HHLA1: variants seen among roughly 807,000 people sequenced by gnomAD.
HHLA1 encodes the protein HERV-H LTR-associating protein 1.
Under a neutral mutation model 69.9 loss-of-function variants are expected in HHLA1, and 72 were observed. The observed-to-expected ratio is 1.03, with a 90% confidence interval of 0.85 to 1.25. HHLA1 has a LOEUF of 1.25. HHLA1 is among the 50% of genes most tolerant of loss of function. HHLA1 has a pLI of 0.00. For synonymous variants in HHLA1, 252 were observed against 233.2 expected (o/e 1.08, Z -0.73); for missense variants, 685 against 642.2 (o/e 1.07, Z -0.72).
chr8:132,086,575 G>T (rs112754764), intron 10 of HHLA1, among the ~76,000 whole-genome samples: 23 of 152,182 alleles, frequency 1.5e-4, no homozygotes, highest in Non-Finnish European at 3.2e-4. Context: ...ATTTGTTCTT[G>T]TTGAAGGAGC....
chr8:132,083,325 C>T (rs1211645020), intron 10 of HHLA1, among the ~76,000 whole-genome samples: 1 of 151,888 alleles, frequency 6.6e-6, no homozygotes, highest in Non-Finnish European at 1.5e-5. Context: ...CCGTCAATAC[C>T]CACAACAGTT....
intron 8 of HHLA1, 116 bp from the exon 9 acceptor site, chr8:132,088,017 GC>G: frequency 2.6e-6 from 2 of 776,678 alleles, no homozygotes; most frequent in South Asian, 3.2e-5. Flanking sequence ...AGGAAAATAA[GC>G]CTGACTCTTT....
chr8:132,076,431 C>A, intron 13 of HHLA1, 44 bp downstream of exon 13: 3 of 824,560 alleles, frequency 3.6e-6, no homozygotes, highest in African/African-American at 1.8e-5. Context: ...CCACCCCTCC[C>A]ATCCCCCACC....
In HHLA1 at chr8:132,071,413, G is replaced by T; in HGVS notation, c.1396C>A (p.Leu466Met). The T allele has an allele frequency of 6.4e-7, 1 of 1,551,682 alleles. No individual in the cohort carries two copies. The highest frequency in any genetic ancestry group is 8.7e-7 in the Non-Finnish European group (1 of 1,146,938). The change falls in exon 15 of 17, where the codon CTG becomes ATG. Residue 466 changes from leucine (L) to methionine (M), a missense_variant. Physicochemically the swap from Leu to Met is conservative, Grantham distance 15. Transcript: ENST00000414222. ...TGGAAGAATTGGCACAGCTCCATCA[G>T]GCATGGGTTGAGCCTCTGAATAGCC... ...TLAIQRLNPCLMELCQFFQQC... is the reference protein window; with the variant it reads ...TLAIQRLNPCMMELCQFFQQC...
intron 15 of HHLA1, among the ~76,000 whole-genome samples, chr8:132,067,380 C>G (rs1477700727): frequency 6.6e-6 from 1 of 152,138 alleles, no homozygotes; most frequent in Non-Finnish European, 1.5e-5. Flanking sequence ...ATTAAAGAGT[C>G]TACTAGAGAA....
chr8:132,080,758 G>C (rs906728454), intron 10 of HHLA1: 1 of 152,352 alleles, frequency 6.6e-6, no homozygotes, highest in Admixed American at 6.5e-5. Context: ...AAATTTTTGG[G>C]GGGTGGTATG....
At chr8:132,071,840 G>T (rs1823550767) in intron 14 of HHLA1, among the ~76,000 whole-genome samples, 1 of 152,096 alleles carries the variant, frequency 6.6e-6, no homozygotes, top group Admixed American at 6.6e-5. Context: ...GATGTAAGGG[G>T]GTGACTTGCT....
intron 3 of HHLA1, among the ~76,000 whole-genome samples, chr8:132,102,318 C>A (rs1298003330): frequency 1.3e-5 from 2 of 152,238 alleles, no homozygotes; most frequent in Non-Finnish European, 2.9e-5. Flanking sequence ...CTGTTGCCTG[C>A]TTAAGCCAAT....
chr8:132,083,506 C>T (rs888801730), intron 10 of HHLA1, among the ~76,000 whole-genome samples: 4 of 152,254 alleles, frequency 2.6e-5, no homozygotes, highest in South Asian at 2.1e-4. Context: ...AGTCTTCAGC[C>T]GCTAAGCCAA....
Position 132,076,503 on chromosome 8 carries a change from C to A in HHLA1, c.1212G>T (p.Lys404Asn). Residue 404 changes from lysine to asparagine, a missense_variant, in exon 13 of 17, where the codon AAG becomes AAT. Coordinates refer to ENST00000414222, the MANE Select transcript of HHLA1 (RefSeq NM_001145095.3). Reference sequence around the variant, plus strand: ...TTTGTGGATATCTGGGGGCTGTTGCCTTGGTTGGACTCGGAGTCTGTGTGC... The same window carrying A: ...TTTGTGGATATCTGGGGGCTGTTGCATTGGTTGGACTCGGAGTCTGTGTGC... ...THGTQTPSPTKATAPRYPQTG... is the reference protein window; with the variant it reads ...THGTQTPSPTNATAPRYPQTG... 1 of 1,441,672 alleles carries A rather than the reference C, an allele frequency of 6.9e-7. No homozygotes were observed. The allele number at this position is 1,441,672 out of a possible 1,614,324, so 89.3% of individuals were successfully genotyped here.
In HHLA1 at chr8:132,087,645, G is replaced by C; in HGVS notation, c.676+8C>G. 3 of 1,542,350 alleles carry C rather than the reference G, an allele frequency of 1.9e-6. No homozygotes were observed. The highest frequency in any genetic ancestry group is 1.4e-5 in the African/African-American group (1 of 72,932). ...TCTATGGGAGGAGTTTGGGAGGTTG[G>C]TACTCACCCAGAACACCAGACAAGC... is the stretch of plus-strand genomic sequence containing the variant. On this transcript the variant is annotated splice_region_variant and intron_variant, in intron 10 of 16. Coordinates refer to ENST00000414222, the MANE Select transcript of HHLA1 (RefSeq NM_001145095.3).
chr8:132,104,083 A>C (rs1318112236), intron 3 of HHLA1, 25 bp downstream of exon 3: 1 of 1,527,616 alleles, frequency 6.5e-7, no homozygotes, highest in African/African-American at 1.4e-5. Context: ...AGTGAGCTGA[A>C]AAGGAGCCCT....
At chr8:132,083,305 A>G (rs1476264368) in intron 10 of HHLA1, among the ~76,000 whole-genome samples, 1 of 152,042 alleles carries the variant, frequency 6.6e-6, no homozygotes, top group East Asian at 1.9e-4. Flanking sequence ...TAAGAGGTTT[A>G]GAAGCCTGGC....
Position 132,063,406 on chromosome 8 carries a change from C to A in HHLA1, c.*589G>T, listed in dbSNP as rs945908551. On this transcript the variant is annotated 3_prime_UTR_variant, in exon 17 of 17. Transcript: ENST00000414222. Reference sequence around the variant, plus strand: ...ATAAAAACAACTCTCTAAACCTCCTCCTAATGATAAAGTTTTCATTATCGC... The same window carrying A: ...ATAAAAACAACTCTCTAAACCTCCTACTAATGATAAAGTTTTCATTATCGC... 1 of 152,188 alleles carries A rather than the reference C, an allele frequency of 6.6e-6. No homozygotes were observed. Among genetic ancestry groups the A allele is most frequent in the Non-Finnish European group, 1.5e-5 (1 of 68,034 alleles). 9.4% of individuals were successfully genotyped at this position (152,188 alleles called of 1,614,324 possible).
At chr8:132,091,729 GTC>G (rs1823948772) in intron 7 of HHLA1, among the ~76,000 whole-genome samples, 1 of 152,214 alleles carries the variant, frequency 6.6e-6, no homozygotes, top group Non-Finnish European at 1.5e-5. Flanking sequence ...ATTTAAGACT[GTC>G]TCTTAACACT....
intron 1 of HHLA1, among the ~76,000 whole-genome samples, chr8:132,110,488 T>C (rs1824278434): frequency 6.6e-6 from 1 of 152,206 alleles, no homozygotes; most frequent in African/African-American, 2.4e-5. Context: ...GATCCTAATA[T>C]TTGTTGACCA....
intron 5 of HHLA1, among the ~76,000 whole-genome samples, chr8:132,096,513 T>C (rs762741938): frequency 6.9e-6 from 1 of 143,940 alleles, no homozygotes; most frequent in Non-Finnish European, 1.5e-5. Flanking sequence ...AGAAAGGGGA[T>C]TTTTTTTTAA....
chr8:132,090,980 C>G lies in HHLA1; in HGVS notation c.449-1381G>C, dbSNP rs150384536. Among the ~76,000 whole-genome samples the G allele has an allele frequency of 7.6e-3, 1,156 of 152,186 alleles. 11 individuals carry two copies. Among genetic ancestry groups the G allele is most frequent in the African/African-American group, 0.026 (1,062 of 41,538 alleles). ...TTCACCGTGTTAGCCAGGATGGTCT[C>G]GATCTCCTGACCTTGTGCTCCACCC... On this transcript the variant is annotated intron_variant, in intron 7 of 16. Coordinates refer to ENST00000414222, the MANE Select transcript of HHLA1 (RefSeq NM_001145095.3).
chr8:132,068,806 G>C (rs1823482447), intron 15 of HHLA1, among the ~76,000 whole-genome samples: 1 of 152,192 alleles, frequency 6.6e-6, no homozygotes, highest in Non-Finnish European at 1.5e-5. Context: ...CTGTGGCTTT[G>C]TTATCCTGCA....
Sources: gnomAD v4.1 joint callset for allele counts (sites outside exome capture counted in the v4.1 genomes callset) on GRCh38, gnomAD v4.1.1 for gene constraint, MANE v1.5 for transcripts, NCBI Gene and HGNC (gene_info 2026-07-23, HGNC 2026-07-21) for gene names.